Variants in ARHGAP39 observed in about 807,000 individuals in gnomAD.
The protein encoded by ARHGAP39 is rho GTPase-activating protein 39.
ARHGAP39 carries 44 observed loss-of-function variants against 106.9 expected under a neutral mutation model. That is an observed-to-expected ratio of 0.41 (90% CI 0.32 to 0.53). The LOEUF is 0.53. ARHGAP39 is among the 20% of genes least tolerant of loss of function. The pLI is 0.21. For missense variants in ARHGAP39, 1,496 were observed against 1,577.3 expected (o/e 0.95, Z 0.87); for synonymous variants, 768 against 693.2 (o/e 1.11, Z -1.69).
intron 1 of ARHGAP39, among the ~76,000 whole-genome samples, chr8:144,665,878 T>G (rs1156490775): frequency 6.6e-6 from 1 of 152,326 alleles, no homozygotes; most frequent in East Asian, 1.9e-4. Context: ...CTAGTGGATC[T>G]GTGAGAAGAG....
intron 7 of ARHGAP39, 54 bp downstream of exon 7, chr8:144,537,667 G>A (rs538450932): frequency 2.0e-6 from 3 of 1,506,648 alleles, no homozygotes; most frequent in East Asian, 4.5e-5. Flanking sequence ...GGCCGAGGCT[G>A]GAGAGCAGAG....
chr8:144,533,029 C>T, intron 9 of ARHGAP39, 97 bp downstream of exon 9: 1 of 1,431,194 alleles, frequency 7.0e-7, no homozygotes, highest in Non-Finnish European at 9.5e-7. Context: ...GGAAGCAGCC[C>T]AGTGGGCCTG....
intron 3 of ARHGAP39, among the ~76,000 whole-genome samples, chr8:144,574,250 C>CT (rs1419938485): frequency 6.6e-6 from 1 of 151,562 alleles, no homozygotes; most frequent in African/African-American, 2.4e-5. Flanking sequence ...TAAAAGTGGG[C>CT]TGGGCTAGGT....
At position 144,529,338 on chromosome 8, in the gene ARHGAP39, A is replaced by G. The variant is rs766787639; in HGVS notation, c.*1084T>C. On this transcript the variant is annotated 3_prime_UTR_variant, in exon 12 of 12. Coordinates refer to ENST00000377307, the MANE Select transcript of ARHGAP39 (RefSeq NM_025251.3). ...GCTGGGGCTTTTGTTTTTAATAAAT[A>G]AAAACGGAACTCTAAAAAATATATA... 19 of 158,362 alleles carry G rather than the reference A, an allele frequency of 1.2e-4. No homozygotes were observed. The highest frequency in any genetic ancestry group is 1.9e-4 in the Non-Finnish European group (14 of 72,314). The allele number at this position is 158,362 out of a possible 1,614,324, so 9.8% of individuals were successfully genotyped here.
intron 1 of ARHGAP39, among the ~76,000 whole-genome samples, chr8:144,633,191 G>A (rs1821106352): frequency 6.6e-6 from 1 of 152,078 alleles, no homozygotes; most frequent in African/African-American, 2.4e-5. Context: ...AGGCGCAGTG[G>A]CTCACGCCTA....
Position 144,642,032 on chromosome 8 carries a change from G to C in ARHGAP39, c.-81-36337C>G, listed in dbSNP as rs71520584. Among the ~76,000 whole-genome samples the C allele has an allele frequency of 8.0e-3, 1,212 of 152,328 alleles. 11 individuals are homozygous for C. Among genetic ancestry groups the C allele is most frequent in the Admixed American group, 0.012 (190 of 15,296 alleles). On this transcript the variant is annotated intron_variant, in intron 1 of 11. Transcript: ENST00000377307. The stretch of plus-strand genomic sequence containing the variant: ...GCTTTAAGAGGTTAAATCTGTGGTG[G>C]TTTGTTATGGCAGCAATAGAATACT...
chr8:144,600,780 G>A (rs906615395), intron 2 of ARHGAP39, among the ~76,000 whole-genome samples: 4 of 151,296 alleles, frequency 2.6e-5, no homozygotes, highest in African/African-American at 9.7e-5. Flanking sequence ...TGTGCATGGA[G>A]GCATGCGCGT....
rs1821479742 is a variant in ARHGAP39, at chr8:144,647,667, A to G, written c.-82+38019T>C. Reference sequence around the variant, plus strand: ...GGGTGAGGGAAGGAATGACCAATCCAAGACAAGAAATGCTCGGGAGCTGGG... The same window carrying G: ...GGGTGAGGGAAGGAATGACCAATCCGAGACAAGAAATGCTCGGGAGCTGGG... On this transcript the variant is annotated intron_variant, in intron 1 of 11. Transcript: ENST00000377307. This position sits in a 1 kb window ranked among gnomAD's most constrained non-coding sequence, Gnocchi z 4.8. 6.6e-6 allele frequency among the ~76,000 whole-genome samples: 1 copy of G among 152,268 alleles called. No homozygotes were observed. Among genetic ancestry groups the G allele is most frequent in the South Asian group, 2.1e-4 (1 of 4,834 alleles).
intron 3 of ARHGAP39, among the ~76,000 whole-genome samples, chr8:144,561,311 G>T (rs1422409034): frequency 6.7e-6 from 1 of 148,180 alleles, no homozygotes; most frequent in Non-Finnish European, 1.5e-5. Context: ...CATTCCAGTG[G>T]TTTCCATCAG....
At chr8:144,589,764 C>G (rs530439420) in intron 2 of ARHGAP39, among the ~76,000 whole-genome samples, 15 of 152,220 alleles carry the variant, frequency 9.9e-5, no homozygotes, top group Non-Finnish European at 2.2e-4. Flanking sequence ...AGGCCTCCCA[C>G]GACTCTGCCT....
chr8:144,607,886 G>A (rs1388203347), intron 1 of ARHGAP39, among the ~76,000 whole-genome samples: 1 of 152,206 alleles, frequency 6.6e-6, no homozygotes, highest in Non-Finnish European at 1.5e-5. Flanking sequence ...GCCGGGCGCG[G>A]TGGCTCATGC....
At chr8:144,630,300 C>T (rs1821028998) in intron 1 of ARHGAP39, among the ~76,000 whole-genome samples, 1 of 152,238 alleles carries the variant, frequency 6.6e-6, no homozygotes, top group South Asian at 2.1e-4. Context: ...GTTTTGAAAC[C>T]ATGCCTGTCT....
upstream of ARHGAP39, among the ~76,000 whole-genome samples, chr8:144,689,460 G>T (rs368847932): frequency 1.8e-4 from 21 of 118,180 alleles, 1 homozygote; most frequent in East Asian, 1.7e-3. Context: ...TTTTTGAAAA[G>T]GAGTCTCACT....
rs757653842 is a variant in ARHGAP39 at position 144,591,687 on chromosome 8, G to A, written c.81-10410C>T. Among the ~76,000 whole-genome samples, 22 of 152,214 alleles carry A rather than the reference G, an allele frequency of 1.4e-4. No individual in the cohort carries two copies. Among genetic ancestry groups the A allele is most frequent in the Non-Finnish European group, 2.6e-4 (18 of 68,026 alleles). On this transcript the variant is annotated intron_variant, in intron 2 of 11. Coordinates refer to ENST00000377307, the MANE Select transcript of ARHGAP39 (RefSeq NM_025251.3). This position sits in a 1 kb window ranked among gnomAD's most constrained non-coding sequence, Gnocchi z 5.3. ...GCAAGGTTTTCGGCCTGAGCACCTG[G>A]AGGGCGGGGCTGTGTCAGGTCTGGG...
intron 1 of ARHGAP39, among the ~76,000 whole-genome samples, chr8:144,666,886 G>C (rs1286227826): frequency 2.0e-5 from 3 of 152,054 alleles, no homozygotes; most frequent in Non-Finnish European, 4.4e-5. Context: ...CCCACCTCCC[G>C]TGAAAAAGAG....
At position 144,633,145 on chromosome 8, in the gene ARHGAP39, TTG is replaced by T. The variant is rs1485338138; in HGVS notation, c.-81-27452_-81-27451del. Reference sequence around the variant, plus strand: ...TGACACAGCAAGACCCTGTTTTTTTTTGTTTGTTTGTTTGTTTGTTTTTAAAA... The same window carrying T: ...TGACACAGCAAGACCCTGTTTTTTTTTTTGTTTGTTTGTTTGTTTTTAAAA... On this transcript the variant is annotated intron_variant, in intron 1 of 11. Transcript: ENST00000377307. Among the ~76,000 whole-genome samples, 521 of 147,690 alleles carry T rather than the reference TTG, an allele frequency of 3.5e-3. 1 individual carries two copies. Among genetic ancestry groups the T allele is most frequent in the African/African-American group, 0.011 (456 of 39,962 alleles).
At chr8:144,666,195 G>A (rs1348480838) in intron 1 of ARHGAP39, among the ~76,000 whole-genome samples, 1 of 152,144 alleles carries the variant, frequency 6.6e-6, no homozygotes, top group East Asian at 1.9e-4. Context: ...ATTTGGAACT[G>A]CTGTATTTAC....
At chr8:144,597,097 G>C (rs563348255) in intron 2 of ARHGAP39, among the ~76,000 whole-genome samples, 1 of 152,238 alleles carries the variant, frequency 6.6e-6, no homozygotes, top group Admixed American at 6.5e-5. Context: ...CTGTGCCCAA[G>C]GAGACAGAGG....
At chr8:144,639,005 G>A (rs1821242700) in intron 1 of ARHGAP39, among the ~76,000 whole-genome samples, 1 of 152,140 alleles carries the variant, frequency 6.6e-6, no homozygotes, top group African/African-American at 2.4e-5. Flanking sequence ...ACCCTTACCT[G>A]GAAGCCAGTA....
Sources: allele counts gnomAD v4.1 joint callset (sites outside exome capture counted in the v4.1 genomes callset), GRCh38; gene constraint gnomAD v4.1.1; non-coding constraint Gnocchi (gnomAD v3.1); transcripts MANE v1.5; gene names NCBI Gene and HGNC (gene_info 2026-07-23, HGNC 2026-07-21).